The following CHCHD3 variants were observed in gnomAD, a reference collection of about 807,000 sequenced individuals.
The protein encoded by CHCHD3 is MICOS complex subunit MIC19.
CHCHD3 carries 20 observed loss-of-function variants against 38.2 expected under a neutral mutation model. The ratio of observed to expected loss-of-function variants is 0.52; its 90% CI spans 0.37 to 0.76. The LOEUF is 0.76. Ranked by LOEUF, CHCHD3 falls within the 30% of genes least tolerant of loss-of-function variation. The probability of loss-of-function intolerance (pLI) is 0.00; values close to 1 mark genes in which losing one functional copy is unlikely to be tolerated. For missense variants in CHCHD3, 245 were observed against 279.2 expected (o/e 0.88, Z 0.87); for synonymous variants, 82 against 100.0 (o/e 0.82, Z 1.07).
At chr7:132,984,460 A>ATTGCAGCCT (rs2117352757) in intron 3 of CHCHD3, among the ~76,000 whole-genome samples, 1 of 149,034 alleles carries the variant, frequency 6.7e-6, no homozygotes, top group East Asian at 2.0e-4. Context: ...AAGTGCCGAG[A>ATTGCAGCCT]TTGCAGCCTC....
chr7:132,963,141 C>A (rs1368934881), intron 4 of CHCHD3, among the ~76,000 whole-genome samples: 2 of 131,300 alleles, frequency 1.5e-5, no homozygotes, highest in Middle Eastern at 4.0e-3. Context: ...TCCCCTCCCC[C>A]AAATAAAAAA....
At chr7:132,844,650 C>T (rs769297573) in intron 5 of CHCHD3, among the ~76,000 whole-genome samples, 4 of 152,138 alleles carry the variant, frequency 2.6e-5, no homozygotes, top group Non-Finnish European at 5.9e-5. Flanking sequence ...ACATGTTTTC[C>T]ATCAAGACTC....
At chr7:132,906,168 TTATC>T (rs1417513535) in intron 4 of CHCHD3, among the ~76,000 whole-genome samples, 1 of 152,238 alleles carries the variant, frequency 6.6e-6, no homozygotes, top group Non-Finnish European at 1.5e-5. Flanking sequence ...ACATACAATG[TTATC>T]TATCAATTTA....
intron 2 of CHCHD3, among the ~76,000 whole-genome samples, chr7:133,067,931 A>G (rs1387950569): frequency 6.6e-6 from 1 of 152,112 alleles, no homozygotes; most frequent in Non-Finnish European, 1.5e-5. Flanking sequence ...CCTGGCTAAC[A>G]CGGTGAAACC....
chr7:133,026,535 A>G (rs1043772983), intron 2 of CHCHD3, among the ~76,000 whole-genome samples: 11 of 152,252 alleles, frequency 7.2e-5, no homozygotes, highest in Non-Finnish European at 1.0e-4. Context: ...TATATACTCA[A>G]GAAAATTTGA....
chr7:132,815,825 A>T (rs1807188954), intron 6 of CHCHD3, among the ~76,000 whole-genome samples: 1 of 152,164 alleles, frequency 6.6e-6, no homozygotes. Context: ...TATGCTTCTA[A>T]AGCAGGAGTA....
chr7:132,940,675 T>C (rs1037204799), intron 4 of CHCHD3, among the ~76,000 whole-genome samples: 5 of 152,250 alleles, frequency 3.3e-5, no homozygotes, highest in African/African-American at 1.2e-4. Flanking sequence ...ACTGCTGTGA[T>C]GGCTTCTAAC....
At chr7:132,789,307 G>C (rs1806399921) in intron 7 of CHCHD3, among the ~76,000 whole-genome samples, 1 of 152,136 alleles carries the variant, frequency 6.6e-6, no homozygotes, top group Admixed American at 6.5e-5. Flanking sequence ...GAAATTCCTT[G>C]CTTTTGCTCA....
rs143290555 is a variant in CHCHD3 at position 133,078,275 on chromosome 7, C to T, written c.81+3582G>A. Among the ~76,000 whole-genome samples the T allele has an allele frequency of 4.5e-3, 683 of 152,288 alleles. 4 individuals are homozygous for T. Among genetic ancestry groups the T allele is most frequent in the African/African-American group, 0.016 (651 of 41,552 alleles). Reference sequence around the variant, plus strand: ...AGCAAGCTGAGATCATGCCACTGCCCTCCAGCCTGGGTGACAGAGCAAGAC... The same window carrying T: ...AGCAAGCTGAGATCATGCCACTGCCTTCCAGCCTGGGTGACAGAGCAAGAC... On this transcript the variant is annotated intron_variant, in intron 1 of 7. Transcript: ENST00000262570.
At chr7:132,872,349 G>C (rs776738434) in intron 5 of CHCHD3, among the ~76,000 whole-genome samples, 1 of 152,184 alleles carries the variant, frequency 6.6e-6, no homozygotes, top group Non-Finnish European at 1.5e-5. Context: ...AGCGTGCTGG[G>C]CTGCTGTGGA....
chr7:132,959,735 AAAAAAG>A (rs1210490706), intron 4 of CHCHD3, among the ~76,000 whole-genome samples: 4 of 151,626 alleles, frequency 2.6e-5, no homozygotes, highest in Non-Finnish European at 2.9e-5. Context: ...AAAAAAAAAA[AAAAAAG>A]AAAAAGAAAA....
intron 6 of CHCHD3, among the ~76,000 whole-genome samples, chr7:132,797,636 A>G (rs753534091): frequency 9.9e-5 from 15 of 152,218 alleles, no homozygotes; most frequent in Non-Finnish European, 1.5e-4. Flanking sequence ...GGTGCAAAGA[A>G]AACATTTTAA....
intron 6 of CHCHD3, among the ~76,000 whole-genome samples, chr7:132,824,800 C>T (rs1807468804): frequency 6.6e-6 from 1 of 152,190 alleles, no homozygotes; most frequent in Non-Finnish European, 1.5e-5. Flanking sequence ...AGGCCATTCT[C>T]CCTCTTCTTA....
chr7:132,929,540 C>G (rs923955936), intron 4 of CHCHD3, among the ~76,000 whole-genome samples: 1 of 152,196 alleles, frequency 6.6e-6, no homozygotes, highest in Non-Finnish European at 1.5e-5. Flanking sequence ...TCTCTCTATT[C>G]CTGGCTGCTC....
intron 3 of CHCHD3, among the ~76,000 whole-genome samples, chr7:133,014,281 C>T (rs939707868): frequency 6.1e-5 from 9 of 148,464 alleles, no homozygotes; most frequent in Admixed American, 4.1e-4. Flanking sequence ...TGTTTTAATG[C>T]TTTATACCTG....
intron 4 of CHCHD3, among the ~76,000 whole-genome samples, chr7:132,946,984 CT>C (rs1810918192): frequency 6.6e-6 from 1 of 151,946 alleles, no homozygotes; most frequent in Admixed American, 6.6e-5. Context: ...AACCACCATA[CT>C]TTTCTGCTAA....
chr7:133,059,664 C>T (rs1435279334), intron 2 of CHCHD3, among the ~76,000 whole-genome samples: 1 of 152,204 alleles, frequency 6.6e-6, no homozygotes, highest in African/African-American at 2.4e-5. Flanking sequence ...AGTGCCTCTT[C>T]CAAAAGGGCT....
chr7:132,971,376 A>G (rs1018444271), intron 4 of CHCHD3, among the ~76,000 whole-genome samples: 5 of 152,322 alleles, frequency 3.3e-5, no homozygotes, highest in South Asian at 2.1e-4. Context: ...GAGTAGAGGA[A>G]GGGGCTGGTA....
chr7:133,028,187 T>C (rs557282166), intron 2 of CHCHD3, among the ~76,000 whole-genome samples: 1 of 152,350 alleles, frequency 6.6e-6, no homozygotes, highest in South Asian at 2.1e-4. Context: ...ATGGTATATG[T>C]AAAATCATGC....
Sources: gnomAD v4.1 joint callset for allele counts (sites outside exome capture counted in the v4.1 genomes callset) on GRCh38, gnomAD v4.1.1 for gene constraint, MANE v1.5 for transcripts, NCBI Gene and HGNC (gene_info 2026-07-23, HGNC 2026-07-21) for gene names.